The following GPHN variants were observed in gnomAD, a reference collection of about 807,000 sequenced individuals.
GPHN encodes gephyrin.
GPHN carries 17 observed loss-of-function variants against 95.5 expected under a neutral mutation model. The ratio of observed to expected loss-of-function variants is 0.18; its 90% CI spans 0.12 to 0.27. The LOEUF (loss-of-function observed/expected upper bound fraction) is 0.27, where lower values mean the gene tolerates loss of function less well. Among genes scored for constraint, GPHN ranks in the 10% least tolerant of loss-of-function variants. The probability of loss-of-function intolerance (pLI) is 1.00; values close to 1 mark genes in which losing one functional copy is unlikely to be tolerated. For synonymous variants in GPHN, 320 were observed against 322.5 expected, an observed-to-expected ratio of 0.99 and a Z score of 0.08; for missense variants, 660 against 978.1, an observed-to-expected ratio of 0.67 and a Z score of 4.34.
At chr14:67,302,443 A>G in the GPHN span, 1 of 1,598,370 alleles carries the variant, frequency 6.3e-7, no homozygotes, top group Non-Finnish European at 8.5e-7. Context: ...GGACTCTGTC[A>G]TCATTAGCCG....
intron 11 of GPHN, among the ~76,000 whole-genome samples, chr14:67,078,364 T>G (rs1447798780): frequency 6.6e-6 from 1 of 152,168 alleles, no homozygotes; most frequent in Admixed American, 6.6e-5. Context: ...TGGCTCCCAC[T>G]GCTTCAGCTG....
chr14:67,604,799 T>C, the GPHN span, among the ~76,000 whole-genome samples: 3 of 152,190 alleles, frequency 2.0e-5, no homozygotes, highest in African/African-American at 7.2e-5. Flanking sequence ...AATGATCCAT[T>C]TTGAACTAAT....
At chr14:67,218,944 A>C in the GPHN span, among the ~76,000 whole-genome samples, 2 of 151,960 alleles carry the variant, frequency 1.3e-5, no homozygotes, top group South Asian at 4.2e-4. Flanking sequence ...CAGGTTCTGC[A>C]CAGGTGGTGT....
intron 1 of GPHN, 75 bp downstream of exon 1, chr14:66,508,666 C>T (rs920040372): frequency 3.9e-6 from 5 of 1,290,702 alleles, no homozygotes; most frequent in Non-Finnish European, 5.7e-6. Context: ...CCTGTGGTGG[C>T]CCTTCTCTGC....
chr14:67,025,968 C>T (rs1407711757), intron 10 of GPHN, among the ~76,000 whole-genome samples: 1 of 152,222 alleles, frequency 6.6e-6, no homozygotes, highest in African/African-American at 2.4e-5. Flanking sequence ...ATTGAAAGAT[C>T]TACTTTGGAC....
At chr14:66,516,799 A>ATT (rs2058264476) in intron 1 of GPHN, among the ~76,000 whole-genome samples, 4 of 152,156 alleles carry the variant, frequency 2.6e-5, no homozygotes, top group Non-Finnish European at 5.9e-5. Flanking sequence ...ATAATCTTTA[A>ATT]AGTCTAATTA....
rs764300601 is a variant in GPHN at position 66,595,192 on chromosome 14, T to C, written c.65-85915T>C. On this transcript the variant is annotated intron_variant, in intron 1 of 22. Coordinates refer to ENST00000478722, the MANE Select transcript of GPHN (RefSeq NM_020806.5). ...AGAAAAGAGAACCCTTGAAGACTGT[T>C]GGTTGGGTTGTAAATTAGTATTACA... Among the ~76,000 whole-genome samples the C allele has an allele frequency of 3.1e-4, 47 of 152,312 alleles. 1 individual carries two copies. The highest frequency in any genetic ancestry group is 2.5e-3 in the Admixed American group (39 of 15,304).
Position 66,576,765 on chromosome 14 carries a change from A to C in GPHN, c.64+68174A>C, listed in dbSNP as rs181560568. ...TGTAATCAAGACTATTATGATTAAG[A>C]GTAGTATATTTTTAGTGAGTGCTGG... On this transcript the variant is annotated intron_variant, in intron 1 of 22. Transcript: ENST00000478722. Among the ~76,000 whole-genome samples the C allele has an allele frequency of 1.2e-4, 18 of 152,286 alleles. 1 individual carries two copies. In the East Asian group the frequency reaches 3.5e-3, roughly 29 times the overall value.
chr14:67,602,747 ATTTTC>A, the GPHN span, among the ~76,000 whole-genome samples: 1 of 152,148 alleles, frequency 6.6e-6, no homozygotes, highest in Non-Finnish European at 1.5e-5. Flanking sequence ...AATCACAGAT[ATTTTC>A]TTTTCACAAT....
At chr14:67,226,654 C>A in the GPHN span, among the ~76,000 whole-genome samples, 1 of 151,356 alleles carries the variant, frequency 6.6e-6, no homozygotes, top group Non-Finnish European at 1.5e-5. Context: ...AGCCACTGTG[C>A]CTGGCTGAGC....
At chr14:66,833,805 C>T (rs1336709784) in intron 4 of GPHN, among the ~76,000 whole-genome samples, 1 of 151,992 alleles carries the variant, frequency 6.6e-6, no homozygotes, top group Non-Finnish European at 1.5e-5. Flanking sequence ...TCAATATTTC[C>T]CTTAGAATCA....
chr14:66,763,714 T>G (rs1249681750), intron 2 of GPHN, among the ~76,000 whole-genome samples: 1 of 151,964 alleles, frequency 6.6e-6, no homozygotes, highest in Non-Finnish European at 1.5e-5. Flanking sequence ...CAAGCAGGGT[T>G]CCCCAAACCC....
chr14:66,906,055 C>T (rs1311401109), intron 5 of GPHN, among the ~76,000 whole-genome samples: 1 of 149,804 alleles, frequency 6.7e-6, no homozygotes, highest in Non-Finnish European at 1.5e-5. Flanking sequence ...TCCCCAGGTT[C>T]ACCTAAGCTC....
At chr14:67,159,362 A>G in intron 18 of GPHN, 53 bp from the exon 19 acceptor site, 1 of 982,012 alleles carries the variant, frequency 1.0e-6, no homozygotes, top group Non-Finnish European at 1.7e-6. Flanking sequence ...AAAGTGTTGA[A>G]AGTCTAATAT....
intron 2 of GPHN, among the ~76,000 whole-genome samples, chr14:66,740,839 G>T (rs2072739171): frequency 6.6e-6 from 1 of 152,178 alleles, no homozygotes; most frequent in South Asian, 2.1e-4. Context: ...GTGCAATTTA[G>T]TAAGTGTCTT....
intron 2 of GPHN, among the ~76,000 whole-genome samples, chr14:66,725,903 G>A (rs1275938154): frequency 1.3e-5 from 2 of 152,076 alleles, no homozygotes; most frequent in Non-Finnish European, 2.9e-5. Flanking sequence ...ATAACTTACT[G>A]ACTATCCAAA....
At chr14:67,727,425 T>G in the GPHN span, 32 of 506,040 alleles carry the variant, frequency 6.3e-5, no homozygotes, top group Middle Eastern at 5.7e-4. Context: ...ATCTTATCTC[T>G]TATCTCATTT....
the GPHN span, among the ~76,000 whole-genome samples, chr14:67,713,571 A>G: frequency 6.6e-6 from 1 of 152,168 alleles, no homozygotes; most frequent in East Asian, 1.9e-4. Context: ...AGGCACTGAT[A>G]GGAGATTTGT....
At chr14:67,208,244 A>G in the GPHN span, 1 of 1,614,064 alleles carries the variant, frequency 6.2e-7, no homozygotes, top group South Asian at 1.1e-5. Flanking sequence ...TTTACAAGAT[A>G]CAAAAAGTAA....
Sources: gnomAD v4.1 joint callset for allele counts (sites outside exome capture counted in the v4.1 genomes callset) on GRCh38, gnomAD v4.1.1 for gene constraint, MANE v1.5 for transcripts, NCBI Gene and HGNC (gene_info 2026-07-23, HGNC 2026-07-21) for gene names.